The following INTS7 variants were observed in gnomAD, a reference collection of about 807,000 sequenced individuals.
INTS7 encodes the protein integrator complex subunit 7, also known as chromosome 1 open reading frame 73.
In INTS7, 46 loss-of-function variants were observed where a neutral mutation model predicts 109.2. That is an observed-to-expected ratio of 0.42 (90% CI 0.33 to 0.54). The LOEUF is 0.54. Among genes scored for constraint, INTS7 ranks in the 20% least tolerant of loss-of-function variants. The pLI is 0.07. For missense variants in INTS7, 929 were observed against 1,132.4 expected (o/e 0.82, Z 2.58); for synonymous variants, 412 against 402.9 (o/e 1.02, Z -0.27).
intron 13 of INTS7, among the ~76,000 whole-genome samples, chr1:211,971,401 C>T (rs894170302): frequency 3.3e-5 from 5 of 152,158 alleles, no homozygotes; most frequent in African/African-American, 4.8e-5. Context: ...CTTATCAACA[C>T]TATAGAGTGG....
intron 15 of INTS7, among the ~76,000 whole-genome samples, chr1:211,967,200 C>T (rs1192817386): frequency 6.6e-6 from 1 of 152,072 alleles, no homozygotes; most frequent in Non-Finnish European, 1.5e-5. Context: ...CGGTGGCTCA[C>T]GTGTATAATC....
intron 4 of INTS7, among the ~76,000 whole-genome samples, chr1:212,015,283 A>G (rs576743250): frequency 1.9e-4 from 29 of 152,304 alleles, no homozygotes; most frequent in African/African-American, 5.8e-4. Context: ...AAATGTGGGG[A>G]AAAGAAAGAA....
chr1:211,961,613 G>C (rs1007360050), intron 16 of INTS7, among the ~76,000 whole-genome samples: 2 of 151,896 alleles, frequency 1.3e-5, no homozygotes, highest in Non-Finnish European at 2.9e-5. Flanking sequence ...ATTTTTAGTA[G>C]AGACGGGGTT....
At position 211,942,018 on chromosome 1, in the gene INTS7, G is replaced by A. The variant is rs1193872381; in HGVS notation, c.2695C>T (p.Leu899Phe). Residue 899 changes from leucine (L) to phenylalanine (F), a missense_variant, in exon 20 of 20, where the codon CTT (leucine) becomes TTT (phenylalanine). Transcript: ENST00000366994. This position sits in a 1 kb window ranked among gnomAD's most constrained non-coding sequence, Gnocchi z 4.2. Reference protein sequence around the residue: ...STQFLLNFAILGTHNITVESS... With the variant: ...STQFLLNFAIFGTHNITVESS... The stretch of plus-strand genomic sequence containing the variant: ...TCCACTGTAATGTTGTGTGTTCCAA[G>A]GATAGCAAAGTTCAACAGAAATTGA... The A allele has an allele frequency of 6.2e-7, 1 of 1,614,116 alleles. No individual in the cohort carries two copies. Among genetic ancestry groups the A allele is most frequent in the African/African-American group, 1.3e-5 (1 of 75,014 alleles).
chr1:211,997,736 G>T (rs1466242280), intron 7 of INTS7, among the ~76,000 whole-genome samples: 1 of 151,598 alleles, frequency 6.6e-6, no homozygotes, highest in Non-Finnish European at 1.5e-5. Flanking sequence ...AAAGTTAGCT[G>T]GGGGTGATGG....
intron 7 of INTS7, among the ~76,000 whole-genome samples, chr1:211,999,324 A>G (rs900048018): frequency 6.6e-6 from 1 of 152,236 alleles, no homozygotes; most frequent in African/African-American, 2.4e-5. Context: ...AACATGGATA[A>G]ATATTAAAAG....
At chr1:211,969,315 G>A (rs370852019) in intron 13 of INTS7, among the ~76,000 whole-genome samples, 1 of 150,498 alleles carries the variant, frequency 6.6e-6, no homozygotes, top group Non-Finnish European at 1.5e-5. Flanking sequence ...GAAGATAATC[G>A]CATAAGGGAT....
chr1:212,031,286 C>A lies in INTS7; in HGVS notation c.94+4058G>T, dbSNP rs574582348. 3.3e-5 allele frequency among the ~76,000 whole-genome samples: 5 copies of A among 152,286 alleles called. No homozygotes were observed. In the South Asian group the frequency reaches 1.0e-3, roughly 32 times the overall value. ...TTTCCCAAATCATCAGGATAACCTT[C>A]CATCAGCTGATCTAAAAATGTTTAG... On this transcript the variant is annotated intron_variant, in intron 1 of 19. Coordinates refer to ENST00000366994, the MANE Select transcript of INTS7 (RefSeq NM_015434.4).
intron 16 of INTS7, among the ~76,000 whole-genome samples, chr1:211,956,948 T>C (rs1024446182): frequency 6.6e-6 from 1 of 152,222 alleles, no homozygotes; most frequent in African/African-American, 2.4e-5. Context: ...ACAGTAGGAA[T>C]AGAATTGGTG....
chr1:211,955,542 G>A lies in INTS7; in HGVS notation c.2184-2841C>T, dbSNP rs370630051. 1.7e-4 allele frequency among the ~76,000 whole-genome samples: 26 copies of A among 152,088 alleles called. 1 individual carries two copies. The highest frequency in any genetic ancestry group is 1.4e-3 in the Admixed American group (21 of 15,270). Reference sequence around the variant, plus strand: ...ACTGGCCATGGGTTTGTCATCGATAGCTCTTATTATTTTGAGATACATCCC... The same window carrying A: ...ACTGGCCATGGGTTTGTCATCGATAACTCTTATTATTTTGAGATACATCCC... On this transcript the variant is annotated intron_variant, in intron 16 of 19. Coordinates refer to ENST00000366994, the MANE Select transcript of INTS7 (RefSeq NM_015434.4).
chr1:212,035,540 G>A lies in INTS7; in HGVS notation c.-103C>T. 1 of 961,278 alleles carries A rather than the reference G, an allele frequency of 1.0e-6. No homozygotes were observed. The highest frequency in any genetic ancestry group is 2.4e-5 in the East Asian group (1 of 41,278). 59.5% of individuals were successfully genotyped at this position (961,278 alleles called of 1,614,324 possible). A position where few individuals can be genotyped will look rare whatever the true frequency, so the allele number is the denominator to read the frequency against. On this transcript the variant is annotated 5_prime_UTR_variant, in exon 1 of 20. Coordinates refer to ENST00000366994, the MANE Select transcript of INTS7 (RefSeq NM_015434.4). ...CTTCTTGCTGGTTTTTCTTCCGCGC[G>A]CTGTCAAGCCCTGTTACGCATGCGC...
chr1:212,003,987 TAGTAAATCA>T (rs1665793096), intron 7 of INTS7, among the ~76,000 whole-genome samples: 1 of 152,210 alleles, frequency 6.6e-6, no homozygotes, highest in Admixed American at 6.5e-5. Flanking sequence ...TGACAAATCA[TAGTAAATCA>T]GAAGAATCAA....
At position 211,942,207 on chromosome 1, in the gene INTS7, G is replaced by A; in HGVS notation, c.2602-96C>T. On this transcript the variant is annotated intron_variant, in intron 19 of 19. Transcript: ENST00000366994. This position sits in a 1 kb window ranked among gnomAD's most constrained non-coding sequence, Gnocchi z 4.2. ...TGTTCTAAGAGCTTATTTAGACCAT[G>A]CAGACAATAAAAAATTAGGTACTGC... 4 of 1,332,604 alleles carry A rather than the reference G, an allele frequency of 3.0e-6. No homozygotes were observed. The highest frequency in any genetic ancestry group is 4.1e-6 in the Non-Finnish European group (4 of 965,298). 82.5% of individuals were successfully genotyped at this position (1,332,604 alleles called of 1,614,324 possible).
intron 10 of INTS7, among the ~76,000 whole-genome samples, chr1:211,979,206 T>C (rs1447293442): frequency 5.9e-5 from 9 of 152,218 alleles, no homozygotes; most frequent in African/African-American, 1.9e-4. Flanking sequence ...GTTGGCACTT[T>C]TCCATTCTCT....
chr1:211,980,219 C>T (rs1664596903), intron 10 of INTS7, among the ~76,000 whole-genome samples: 1 of 152,126 alleles, frequency 6.6e-6, no homozygotes, highest in Admixed American at 6.5e-5. Flanking sequence ...AATGATGTTA[C>T]TATCTTTATT....
chr1:211,952,056 C>T (rs1421312468), intron 17 of INTS7, among the ~76,000 whole-genome samples: 1 of 152,110 alleles, frequency 6.6e-6, no homozygotes, highest in Non-Finnish European at 1.5e-5. Flanking sequence ...TGACTCATTG[C>T]CAGTCAGCCA....
At chr1:211,964,615 A>C (rs1571855279) in intron 16 of INTS7, among the ~76,000 whole-genome samples, 1 of 152,240 alleles carries the variant, frequency 6.6e-6, no homozygotes, top group African/African-American at 2.4e-5. Flanking sequence ...CTGGTATACA[A>C]AAAGACACAC....
chr1:211,950,571 C>T (rs913713912), intron 17 of INTS7, among the ~76,000 whole-genome samples: 3 of 152,198 alleles, frequency 2.0e-5, no homozygotes, highest in African/African-American at 7.2e-5. Flanking sequence ...TGCGCCCGAC[C>T]GGGAAATAAC....
intron 16 of INTS7, among the ~76,000 whole-genome samples, chr1:211,957,316 C>A (rs1392902909): frequency 1.3e-5 from 2 of 152,078 alleles, no homozygotes. Flanking sequence ...CAGGCTGAGG[C>A]GGGTGGATCA....
Sources: allele counts gnomAD v4.1 joint callset (sites outside exome capture counted in the v4.1 genomes callset), GRCh38; gene constraint gnomAD v4.1.1; non-coding constraint Gnocchi (gnomAD v3.1); transcripts MANE v1.5; gene names NCBI Gene and HGNC (gene_info 2026-07-23, HGNC 2026-07-21).